Variants in DMD observed in about 807,000 individuals in gnomAD.
DMD encodes mutant dystrophin.
A neutral mutation model predicts 330.1 loss-of-function variants in DMD; 63 were observed. The ratio of observed to expected loss-of-function variants is 0.19; its 90% CI spans 0.16 to 0.24. The LOEUF (loss-of-function observed/expected upper bound fraction) is 0.24. Among genes scored for constraint, DMD ranks in the 10% least tolerant of loss-of-function variants. The pLI, the probability that DMD is intolerant of heterozygous loss-of-function variation, is 1.00. For synonymous variants in DMD, 1,223 were observed against 959.8 expected (o/e 1.27, Z -5.07); for missense variants, 3,344 against 2,684.1 (o/e 1.25, Z -5.43).
intron 7 of DMD, among the ~76,000 whole-genome samples, chrX:32,771,757 G>C (rs970222119): frequency 1.8e-5 from 2 of 111,638 alleles, no homozygotes; most frequent in African/African-American, 3.3e-5. Flanking sequence ...TAGAGCCAGA[G>C]ACACAGTAAT....
chrX:31,574,295 C>A (rs2075986868), intron 55 of DMD, among the ~76,000 whole-genome samples: 2 of 108,419 alleles, frequency 1.8e-5, no homozygotes, highest in Admixed American at 2.0e-4. Flanking sequence ...AGGCGCCCAC[C>A]ACAACACCCG....
intron 25 of DMD, among the ~76,000 whole-genome samples, chrX:32,455,636 A>G (rs1374887961): frequency 9.0e-6 from 1 of 111,271 alleles, no homozygotes; most frequent in Admixed American, 9.6e-5. Flanking sequence ...GTAGAGACTA[A>G]CATGTACAAT....
intron 29 of DMD, among the ~76,000 whole-genome samples, chrX:32,426,480 C>G (rs1020992579): frequency 6.3e-5 from 7 of 111,298 alleles, no homozygotes; most frequent in African/African-American, 2.3e-4. Flanking sequence ...CAAAAAATAA[C>G]AGATGCTGTT....
intron 21 of DMD, among the ~76,000 whole-genome samples, chrX:32,479,118 C>A (rs1425456477): frequency 9.0e-6 from 1 of 110,765 alleles, no homozygotes; most frequent in Non-Finnish European, 1.9e-5. Context: ...ACTTAGCAAT[C>A]CTATTTTCAA....
chrX:31,267,013 G>A, intron 62 of DMD: 3 of 650,034 alleles, frequency 4.6e-6, no homozygotes, highest in Non-Finnish European at 6.4e-6. Context: ...GGGCGGGGCC[G>A]TGTCGGGCTC....
intron 4 of DMD, among the ~76,000 whole-genome samples, chrX:32,840,375 C>T (rs775200075): frequency 4.5e-5 from 5 of 111,689 alleles, no homozygotes; most frequent in African/African-American, 1.6e-4. Context: ...AACATGGGGT[C>T]TATGATCAGA....
chrX:32,853,769 G>A (rs747633485), intron 2 of DMD, among the ~76,000 whole-genome samples: 89 of 55,867 alleles, frequency 1.6e-3, no homozygotes, highest in Non-Finnish European at 1.8e-3. Flanking sequence ...CACAGTGACA[G>A]AAAAAAAAAA....
At chrX:32,085,705 C>T (rs375635241) in intron 44 of DMD, among the ~76,000 whole-genome samples, 121 of 81,830 alleles carry the variant, frequency 1.5e-3, no homozygotes, top group Non-Finnish European at 2.7e-3. Flanking sequence ...TATATACACA[C>T]GCGTATATAT....
At chrX:31,192,232 C>G (rs1038097849) in intron 67 of DMD, among the ~76,000 whole-genome samples, 1 of 112,163 alleles carries the variant, frequency 8.9e-6, no homozygotes, top group Non-Finnish European at 1.9e-5. Context: ...TTATGAAAAT[C>G]AAATGAGTGA....
chrX:31,724,579 C>T (rs778762859), intron 52 of DMD, among the ~76,000 whole-genome samples: 1 of 111,335 alleles, frequency 9.0e-6, no homozygotes, highest in Non-Finnish European at 1.9e-5. Flanking sequence ...CCAAAATAAA[C>T]GACTCCCTCT....
chrX:32,348,645 C>T, intron 37 of DMD, 117 bp from the exon 38 acceptor site: 1 of 668,714 alleles, frequency 1.5e-6, no homozygotes, highest in Non-Finnish European at 2.2e-6. Context: ...CATTATGTTT[C>T]CATATTATGT....
rs747237425 is a variant in DMD at position 32,695,836 on chromosome X, G to T, written c.960+2034C>A. Among the ~76,000 whole-genome samples the T allele has an allele frequency of 5.4e-5, 6 of 111,856 alleles. No homozygotes were observed. The South Asian group carries it at 1.9e-3, about 35-fold the overall frequency. ...AAGATATTTCCCATGAGTTTCATAA[G>T]CTAAAGAAGTTGGAAGAACAGAAAG... On this transcript the variant is annotated intron_variant, in intron 9 of 78. Transcript: ENST00000357033.
At chrX:33,157,633 A>G (rs1214080370) in intron 1 of DMD, among the ~76,000 whole-genome samples, 2 of 112,235 alleles carry the variant, frequency 1.8e-5, no homozygotes, top group African/African-American at 6.5e-5. Context: ...AAATATATGT[A>G]TTGAATGAGA....
At chrX:33,172,321 C>G in intron 1 of DMD, among the ~76,000 whole-genome samples, 1 of 111,343 alleles carries the variant, frequency 9.0e-6, no homozygotes, top group Non-Finnish European at 1.9e-5. Flanking sequence ...TCAAAGATAC[C>G]ATAATAAGTT....
rs375415151 is a variant in DMD, at chrX:32,358,738, C to A, written c.5325+4050G>T. On this transcript the variant is annotated intron_variant, in intron 37 of 78. Coordinates refer to ENST00000357033, the MANE Select transcript of DMD (RefSeq NM_004006.3). ...ATTTTCTGACTCCAGTCGATTACAG[C>A]AGAGACCACAGAAAATCAGCAATTC... Among the ~76,000 whole-genome samples the A allele has an allele frequency of 9.9e-5, 11 of 111,250 alleles. No homozygotes were observed. The East Asian group carries it at 1.4e-3, about 14-fold the overall frequency.
intron 17 of DMD, among the ~76,000 whole-genome samples, chrX:32,523,852 C>A (rs983998108): frequency 7.2e-5 from 8 of 111,275 alleles, no homozygotes; most frequent in Non-Finnish European, 1.1e-4. Flanking sequence ...TATACCACCA[C>A]CTCCAATTCA....
chrX:31,872,029 G>A (rs775145695), intron 48 of DMD, among the ~76,000 whole-genome samples: 3 of 108,065 alleles, frequency 2.8e-5, no homozygotes, highest in African/African-American at 6.7e-5. Context: ...TAAGCTGGGG[G>A]TTTGAGAATT....
chrX:31,781,703 A>G (rs1244729746), intron 50 of DMD, among the ~76,000 whole-genome samples: 2 of 111,271 alleles, frequency 1.8e-5, no homozygotes, highest in Non-Finnish European at 1.9e-5. Flanking sequence ...TCTCAATCTC[A>G]GCACTATTGA....
chrX:32,063,954 T>C (rs914436478), intron 44 of DMD, among the ~76,000 whole-genome samples: 1 of 111,322 alleles, frequency 9.0e-6, no homozygotes, highest in Non-Finnish European at 1.9e-5. Flanking sequence ...ACTTGTGAGA[T>C]GTTTGGACTG....
Sources: allele counts gnomAD v4.1 joint callset (sites outside exome capture counted in the v4.1 genomes callset), GRCh38; gene constraint gnomAD v4.1.1; transcripts MANE v1.5; gene names NCBI Gene and HGNC (gene_info 2026-07-23, HGNC 2026-07-21).